Variants in DPRX observed in about 807,000 individuals in gnomAD.
DPRX encodes the protein divergent-paired related homeobox.
A neutral mutation model predicts 8.4 loss-of-function variants in DPRX; 11 were observed. The observed-to-expected ratio is 1.31, with a 90% CI of 0.82 to 2.17. The LOEUF (loss-of-function observed/expected upper bound fraction) is 2.17. Among genes scored for constraint, DPRX ranks in the 30% most tolerant of loss-of-function variants. The probability of loss-of-function intolerance (pLI) is 0.00; values close to 1 mark genes in which losing one functional copy is unlikely to be tolerated. For missense variants in DPRX, 211 were observed against 236.7 expected (o/e 0.89, Z 0.71); for synonymous variants, 72 against 87.0 (o/e 0.83, Z 0.96).
upstream of DPRX, among the ~76,000 whole-genome samples, chr19:53,628,771 T>C (rs954576649): frequency 1.3e-5 from 2 of 151,790 alleles, no homozygotes; most frequent in Admixed American, 1.3e-4. Flanking sequence ...GTATTTTTAG[T>C]AGAGATGAGG....
chr19:53,618,950 G>A, the DPRX span, among the ~76,000 whole-genome samples: 3 of 151,992 alleles, frequency 2.0e-5, no homozygotes, highest in Admixed American at 6.6e-5. Flanking sequence ...CCAAAGTGCT[G>A]GGATTACAGG....
chr19:53,615,184 C>T, the DPRX span, among the ~76,000 whole-genome samples: 454 of 152,076 alleles, frequency 3.0e-3, 16 homozygotes, highest in East Asian at 0.079. Context: ...ATTGACCAGG[C>T]TGGTCTCGAA....
At chr19:53,625,344 G>A in the DPRX span, among the ~76,000 whole-genome samples, 382 of 152,202 alleles carry the variant, frequency 2.5e-3, 4 homozygotes, top group African/African-American at 9.0e-3. Flanking sequence ...ATGAGCCAGC[G>A]TGTCTGGCCC....
chr19:53,625,187 A>T, the DPRX span, among the ~76,000 whole-genome samples: 1 of 150,322 alleles, frequency 6.7e-6, no homozygotes, highest in South Asian at 2.1e-4. Context: ...GAGTACTAGG[A>T]CTATAGGTGC....
the DPRX span, among the ~76,000 whole-genome samples, chr19:53,619,199 A>G: frequency 6.6e-6 from 1 of 152,134 alleles, no homozygotes; most frequent in East Asian, 1.9e-4. Flanking sequence ...AGAGGGAGGT[A>G]GCAGGGAGAG....
chr19:53,632,726 G>A (rs2091097882), intron 1 of DPRX, among the ~76,000 whole-genome samples: 2 of 152,118 alleles, frequency 1.3e-5, no homozygotes, highest in Admixed American at 6.6e-5. Flanking sequence ...TTACAGGCAT[G>A]AGCCTCGGTG....
the DPRX span, among the ~76,000 whole-genome samples, chr19:53,616,553 G>A: frequency 3.3e-5 from 5 of 152,254 alleles, no homozygotes; most frequent in Non-Finnish European, 5.9e-5. Flanking sequence ...TCAGGAGTTC[G>A]AGACCAGCCT....
At chr19:53,615,539 C>A in the DPRX span, among the ~76,000 whole-genome samples, 7 of 152,082 alleles carry the variant, frequency 4.6e-5, no homozygotes, top group Non-Finnish European at 1.0e-4. Context: ...CCTTGGCCTC[C>A]CAAAATGCTA....
At chr19:53,601,625 G>T in the DPRX span, among the ~76,000 whole-genome samples, 3 of 151,882 alleles carry the variant, frequency 2.0e-5, no homozygotes, top group African/African-American at 7.3e-5. Context: ...GGGATTACCG[G>T]CACACACCAC....
chr19:53,630,189 G>A (rs947866851), upstream of DPRX: 2 of 151,358 alleles, frequency 1.3e-5, no homozygotes, highest in African/African-American at 4.9e-5. Flanking sequence ...CTCTAACCTG[G>A]GCGACAGAGT....
chr19:53,617,036 G>C, the DPRX span: 8 of 1,224,264 alleles, frequency 6.5e-6, no homozygotes, highest in African/African-American at 1.5e-5. Context: ...TTGGCCTACA[G>C]AGTAAGTGGA....
At chr19:53,610,759 C>T in the DPRX span, among the ~76,000 whole-genome samples, 3 of 152,158 alleles carry the variant, frequency 2.0e-5, no homozygotes, top group South Asian at 6.2e-4. Context: ...TTTTTTCAGC[C>T]CATCAGCTAT....
the DPRX span, among the ~76,000 whole-genome samples, chr19:53,617,921 C>CT: frequency 2.0e-5 from 3 of 151,814 alleles, no homozygotes; most frequent in Non-Finnish European, 2.9e-5. Flanking sequence ...GGGCAGATCA[C>CT]GAGGTCAGGA....
chr19:53,621,265 T>C, the DPRX span, among the ~76,000 whole-genome samples: 1 of 152,050 alleles, frequency 6.6e-6, no homozygotes, highest in Non-Finnish European at 1.5e-5. Flanking sequence ...CTGGAGTAGC[T>C]GGGACTGCAG....
chr19:53,614,336 C>T, the DPRX span, among the ~76,000 whole-genome samples: 1 of 152,112 alleles, frequency 6.6e-6, no homozygotes, highest in East Asian at 1.9e-4. Context: ...ATCCCTTGAG[C>T]CTGGGAGTTT....
the DPRX span, among the ~76,000 whole-genome samples, chr19:53,613,705 A>C: frequency 6.6e-6 from 1 of 151,614 alleles, no homozygotes; most frequent in Non-Finnish European, 1.5e-5. Context: ...GGAAGGGAAG[A>C]GTGTACTCCA....
rs369603345 is a variant in DPRX at position 53,632,198 on chromosome 19, G to A, written c.28+64G>A. 558 of 1,612,312 alleles carry A rather than the reference G, an allele frequency of 3.5e-4. 1 individual carries two copies. In the African/African-American group the frequency reaches 5.0e-3, roughly 14 times the overall value. On this transcript the variant is annotated intron_variant, in intron 1 of 2. Transcript: ENST00000376650. Reference sequence around the variant, plus strand: ...GAAGAAGTGGAAAGCAGCTGGCGGCGGGAAAAGGCAGAGGGACCAGGCGGC... The same window carrying A: ...GAAGAAGTGGAAAGCAGCTGGCGGCAGGAAAAGGCAGAGGGACCAGGCGGC...
chr19:53,612,712 GA>G, the DPRX span, among the ~76,000 whole-genome samples: 1 of 149,088 alleles, frequency 6.7e-6, no homozygotes, highest in South Asian at 2.1e-4. Context: ...GTCTCAAAAA[GA>G]AAAAAAGAAA....
chr19:53,617,220 G>A, the DPRX span: 3 of 837,088 alleles, frequency 3.6e-6, no homozygotes, highest in South Asian at 2.6e-5. Flanking sequence ...TAGAGTATTC[G>A]TGAGAATGAA....
Sources: gnomAD v4.1 joint callset for allele counts (sites outside exome capture counted in the v4.1 genomes callset) on GRCh38, gnomAD v4.1.1 for gene constraint, MANE v1.5 for transcripts, NCBI Gene and HGNC (gene_info 2026-07-23, HGNC 2026-07-21) for gene names.